The following CDH13 variants were observed in gnomAD, a reference collection of about 807,000 sequenced individuals.
The protein encoded by CDH13 is cadherin-13.
CDH13 carries 24 observed loss-of-function variants against 63.8 expected under a neutral mutation model. The ratio of observed to expected loss-of-function variants is 0.38; its 90% confidence interval spans 0.27 to 0.53. The LOEUF (loss-of-function observed/expected upper bound fraction) is 0.53. Among genes scored for constraint, CDH13 ranks in the 20% least tolerant of loss-of-function variants. The pLI, the probability that CDH13 is intolerant of heterozygous loss-of-function variation, is 0.85. For missense variants in CDH13, 1,049 were observed against 903.1 expected, an observed-to-expected ratio of 1.16 and a Z score of -2.07; for synonymous variants, 503 against 355.3, an observed-to-expected ratio of 1.42 and a Z score of -4.67.
chr16:83,044,837 G>A, intron 3 of CDH13, among the ~76,000 whole-genome samples: 1 of 152,168 alleles, frequency 6.6e-6, no homozygotes, highest in Non-Finnish European at 1.5e-5. Context: ...CTCCCCAGCA[G>A]CTGCTCGGGG....
At chr16:83,275,016 T>C (rs988127590) in intron 5 of CDH13, among the ~76,000 whole-genome samples, 21 of 152,284 alleles carry the variant, frequency 1.4e-4, no homozygotes, top group African/African-American at 4.3e-4. Context: ...TATAGACACA[T>C]GCTTTATTTT....
At chr16:83,321,525 A>ATTTTTTT (rs10672316) in intron 5 of CDH13, among the ~76,000 whole-genome samples, 20 of 103,644 alleles carry the variant, frequency 1.9e-4, no homozygotes, top group African/African-American at 4.3e-4. Flanking sequence ...GAAATCTGGA[A>ATTTTTTT]TTTTTTTTTT....
At chr16:83,393,084 C>T (rs769104383) in intron 6 of CDH13, among the ~76,000 whole-genome samples, 1 of 152,092 alleles carries the variant, frequency 6.6e-6, no homozygotes, top group Non-Finnish European at 1.5e-5. Context: ...TAGATAAATA[C>T]TATTTAAAGC....
chr16:83,045,409 C>T (rs113920487), intron 3 of CDH13, among the ~76,000 whole-genome samples: 19,501 of 151,964 alleles, frequency 0.13, 1,392 homozygotes, highest in Middle Eastern at 0.18. Flanking sequence ...GAGACTGAGG[C>T]AGGTGGATCA....
chr16:83,126,453 G>A (rs72798394), intron 4 of CDH13, among the ~76,000 whole-genome samples: 12,523 of 152,136 alleles, frequency 0.082, 578 homozygotes, highest in Non-Finnish European at 0.096. Flanking sequence ...GTCAGGGCAC[G>A]GCAAAGGCGG....
At chr16:82,831,122 A>G (rs1439399466) in intron 1 of CDH13, among the ~76,000 whole-genome samples, 1 of 152,086 alleles carries the variant, frequency 6.6e-6, no homozygotes, top group African/African-American at 2.4e-5. Flanking sequence ...TGCAGCACCT[A>G]GGCGCCGCAC....
At chr16:82,910,339 C>G (rs1207805008) in intron 2 of CDH13, among the ~76,000 whole-genome samples, 9 of 152,184 alleles carry the variant, frequency 5.9e-5, no homozygotes, top group Admixed American at 5.9e-4. Context: ...GATGACATTT[C>G]TCCAGTAATG....
chr16:82,852,650 G>C (rs2039539299), intron 1 of CDH13, among the ~76,000 whole-genome samples: 1 of 152,104 alleles, frequency 6.6e-6, no homozygotes, highest in Admixed American at 6.6e-5. Flanking sequence ...AGCTTGAAAA[G>C]GTATTTGCAA....
chr16:82,885,838 G>A (rs531335664), intron 2 of CDH13, among the ~76,000 whole-genome samples: 27 of 152,088 alleles, frequency 1.8e-4, no homozygotes, highest in African/African-American at 6.5e-4. Flanking sequence ...TAATAATAGT[G>A]CCTACCTCAT....
chr16:83,666,722 C>T (rs1913987085), intron 8 of CDH13, among the ~76,000 whole-genome samples: 1 of 152,160 alleles, frequency 6.6e-6, no homozygotes. Flanking sequence ...GGTATGTTCT[C>T]ACCCCCTTCA....
At chr16:82,797,438 A>G (rs575510425) in intron 1 of CDH13, among the ~76,000 whole-genome samples, 8 of 152,312 alleles carry the variant, frequency 5.3e-5, no homozygotes, top group Admixed American at 2.0e-4. Flanking sequence ...CCAAGTGCAG[A>G]CTTTGCTAAT....
At chr16:82,966,438 C>T (rs988421306) in intron 2 of CDH13, among the ~76,000 whole-genome samples, 12 of 152,176 alleles carry the variant, frequency 7.9e-5, no homozygotes, top group South Asian at 2.1e-4. Flanking sequence ...TGAGCCAGCG[C>T]GCCTGGCCTA....
chr16:82,850,989 A>G (rs1166556620), intron 1 of CDH13, among the ~76,000 whole-genome samples: 1 of 152,238 alleles, frequency 6.6e-6, no homozygotes, highest in Non-Finnish European at 1.5e-5. Context: ...CTTTATTGTA[A>G]TATTTGTTTT....
chr16:83,715,519 G>A (rs541224205), intron 10 of CDH13, among the ~76,000 whole-genome samples: 13 of 152,316 alleles, frequency 8.5e-5, no homozygotes, highest in South Asian at 2.1e-4. Flanking sequence ...CAGCAGCAGC[G>A]TTAGTAAAAT....
At chr16:83,510,767 T>G (rs2074538377) in intron 7 of CDH13, among the ~76,000 whole-genome samples, 2 of 152,226 alleles carry the variant, frequency 1.3e-5, no homozygotes, top group Non-Finnish European at 2.9e-5. Flanking sequence ...ACCACCCACC[T>G]GTGCACATGA....
chr16:83,394,303 C>T (rs1019142514), intron 6 of CDH13, among the ~76,000 whole-genome samples: 3 of 150,932 alleles, frequency 2.0e-5, no homozygotes, highest in East Asian at 3.9e-4. Flanking sequence ...GGCAGGGGTG[C>T]GGTTTTCAAT....
chr16:82,913,627 G>A (rs532984395), intron 2 of CDH13, among the ~76,000 whole-genome samples: 1 of 152,290 alleles, frequency 6.6e-6, no homozygotes, highest in East Asian at 1.9e-4. Flanking sequence ...AGGTAACCAG[G>A]CACAAGATGC....
chr16:82,912,064 C>G (rs2041848672), intron 2 of CDH13, among the ~76,000 whole-genome samples: 1 of 152,048 alleles, frequency 6.6e-6, no homozygotes, highest in African/African-American at 2.4e-5. Flanking sequence ...CCACGGCCGC[C>G]CCTGCCGTCT....
chr16:82,638,936 T>G (rs1444328171), intron 1 of CDH13, among the ~76,000 whole-genome samples: 1 of 147,342 alleles, frequency 6.8e-6, no homozygotes, highest in African/African-American at 2.5e-5. Flanking sequence ...CCATGTTATC[T>G]GGAATCCTTC....
Sources: allele counts gnomAD v4.1 joint callset (sites outside exome capture counted in the v4.1 genomes callset), GRCh38; gene constraint gnomAD v4.1.1; transcripts MANE v1.5; gene names NCBI Gene and HGNC (gene_info 2026-07-23, HGNC 2026-07-21).